The following HEPHL1 variants were observed in gnomAD, a reference collection of about 807,000 sequenced individuals.
HEPHL1 encodes hephaestin like 1, also known as ferroxidase HEPHL1.
A neutral mutation model predicts 122.0 loss-of-function variants in HEPHL1; 123 were observed. That is an observed-to-expected ratio of 1.01 (90% CI 0.87 to 1.17). HEPHL1 has a LOEUF of 1.17. Ranked by LOEUF, HEPHL1 falls within the 50% of genes most tolerant of loss-of-function variation. The probability of loss-of-function intolerance (pLI) is 0.00; values close to 1 mark genes in which losing one functional copy is unlikely to be tolerated. For missense variants in HEPHL1, 1,452 were observed against 1,430.5 expected, an observed-to-expected ratio of 1.01 and a Z score of -0.24; for synonymous variants, 527 against 508.9, an observed-to-expected ratio of 1.04 and a Z score of -0.48.
intron 2 of HEPHL1, among the ~76,000 whole-genome samples, chr11:94,061,636 C>G (rs561830722): frequency 6.6e-6 from 1 of 152,170 alleles, no homozygotes; most frequent in East Asian, 1.9e-4. Context: ...AGATAAGTAT[C>G]AAGTGAGAAA....
At chr11:94,093,768 A>C in intron 13 of HEPHL1, 128 bp downstream of exon 13, 1 of 1,031,016 alleles carries the variant, frequency 9.7e-7, no homozygotes, top group Non-Finnish European at 1.4e-6. Context: ...GCATTCCTCC[A>C]AGTGTAATAT....
At chr11:94,063,037 G>A (rs1012249486) in intron 2 of HEPHL1, among the ~76,000 whole-genome samples, 2 of 152,120 alleles carry the variant, frequency 1.3e-5, no homozygotes, top group Admixed American at 1.3e-4. Context: ...ATCCCCAGAG[G>A]CAGGAAGAAT....
chr11:94,043,325 C>T (rs1945803908), intron 1 of HEPHL1, among the ~76,000 whole-genome samples: 1 of 152,072 alleles, frequency 6.6e-6, no homozygotes, highest in Non-Finnish European at 1.5e-5. Flanking sequence ...GTACCAGTCC[C>T]AAGTACACAA....
intron 10 of HEPHL1, among the ~76,000 whole-genome samples, chr11:94,083,920 A>G (rs1248475525): frequency 6.6e-6 from 1 of 152,262 alleles, no homozygotes; most frequent in Non-Finnish European, 1.5e-5. Flanking sequence ...AAAGAAATTT[A>G]TCATCAAAGA....
intron 9 of HEPHL1, among the ~76,000 whole-genome samples, chr11:94,081,777 G>T (rs377629021): frequency 3.3e-5 from 5 of 152,112 alleles, no homozygotes; most frequent in South Asian, 4.2e-4. Context: ...GTAGGAAAAA[G>T]TTAAAAAAAA....
At chr11:94,073,191 T>C in intron 7 of HEPHL1, 27 bp downstream of exon 7, 1 of 1,612,152 alleles carries the variant, frequency 6.2e-7, no homozygotes, top group Non-Finnish European at 8.5e-7. Flanking sequence ...CCCCATGCAT[T>C]GAACCCAGGG....
chr11:94,101,590 A>G (rs1946367678), intron 14 of HEPHL1, among the ~76,000 whole-genome samples: 2 of 152,118 alleles, frequency 1.3e-5, no homozygotes, highest in African/African-American at 2.4e-5. Flanking sequence ...TAATTGATGA[A>G]CCTACATTGA....
At chr11:94,081,546 A>T (rs553616842) in intron 9 of HEPHL1, among the ~76,000 whole-genome samples, 2 of 152,350 alleles carry the variant, frequency 1.3e-5, no homozygotes, top group African/African-American at 4.8e-5. Flanking sequence ...AGATAGGCTC[A>T]AATAGACTGA....
rs962180581 is a variant in HEPHL1 at position 94,026,790 on chromosome 11, G to T, written c.170+5252G>T. Among the ~76,000 whole-genome samples the T allele has an allele frequency of 5.3e-5, 8 of 152,322 alleles. No homozygotes were observed. In the East Asian group the frequency reaches 7.7e-4, roughly 15 times the overall value. The stretch of plus-strand genomic sequence containing the variant: ...CAAGGCAGTCCAGTTTGCTGGTAAA[G>T]TATGGGGCTCTGGCATCAACTGTCA... On this transcript the variant is annotated intron_variant, in intron 1 of 19. Coordinates refer to ENST00000315765, the MANE Select transcript of HEPHL1 (RefSeq NM_001098672.2).
chr11:94,078,179 G>T (rs1304776392), intron 9 of HEPHL1, among the ~76,000 whole-genome samples: 2 of 152,084 alleles, frequency 1.3e-5, no homozygotes, highest in African/African-American at 2.4e-5. Flanking sequence ...TATCCCCAAG[G>T]TTAAGAAGTT....
chr11:94,096,909 C>T (rs3020009), intron 13 of HEPHL1, among the ~76,000 whole-genome samples: 107,688 of 152,046 alleles, frequency 0.71, 38,382 homozygotes, highest in African/African-American at 0.78. Context: ...TCTTCTCTCT[C>T]TTCTTCTTTG....
chr11:94,096,657 T>G (rs1384202502), intron 13 of HEPHL1, among the ~76,000 whole-genome samples: 1 of 152,228 alleles, frequency 6.6e-6, no homozygotes, highest in Non-Finnish European at 1.5e-5. Flanking sequence ...CTGGACTTTT[T>G]TTGTTTGGTA....
intron 5 of HEPHL1, among the ~76,000 whole-genome samples, chr11:94,069,564 A>G (rs867686970): frequency 6.6e-6 from 1 of 152,164 alleles, no homozygotes; most frequent in African/African-American, 2.4e-5. Context: ...TTAATGCTGC[A>G]CTGTAGCTAA....
Position 94,091,903 on chromosome 11 carries a change from G to T in HEPHL1, c.2295-1598G>T, listed in dbSNP as rs147703642. ...ATGTTTAGAATGACCAGAACATAGAGCCTAGGGGCTAGTGATGGGAAATGA... is the reference window on the plus strand; with the variant it reads ...ATGTTTAGAATGACCAGAACATAGATCCTAGGGGCTAGTGATGGGAAATGA... On this transcript the variant is annotated intron_variant, in intron 12 of 19. Transcript: ENST00000315765. Among the ~76,000 whole-genome samples the T allele has an allele frequency of 1.5e-3, 225 of 152,320 alleles. 1 individual carries two copies. The highest frequency in any genetic ancestry group is 5.2e-3 in the African/African-American group (215 of 41,576).
At chr11:94,036,516 T>C (rs1474610880) in intron 1 of HEPHL1, among the ~76,000 whole-genome samples, 1 of 152,122 alleles carries the variant, frequency 6.6e-6, no homozygotes, top group Non-Finnish European at 1.5e-5. Context: ...TCCAATGCCA[T>C]AGAACAGAGC....
At chr11:94,067,859 A>G in intron 5 of HEPHL1, 109 bp downstream of exon 5, 2 of 841,852 alleles carry the variant, frequency 2.4e-6, no homozygotes, top group South Asian at 1.8e-5. Context: ...TGTATGTACT[A>G]TATTTAATTA....
chr11:94,031,095 C>G (rs1274540569), intron 1 of HEPHL1, among the ~76,000 whole-genome samples: 1 of 152,130 alleles, frequency 6.6e-6, no homozygotes, highest in Non-Finnish European at 1.5e-5. Context: ...GGAGGCCAAA[C>G]AGCATGGGTC....
chr11:94,052,695 A>G (rs951436563), intron 2 of HEPHL1, among the ~76,000 whole-genome samples: 1 of 151,534 alleles, frequency 6.6e-6, no homozygotes, highest in Non-Finnish European at 1.5e-5. Context: ...TAAGTACTGG[A>G]TTTTTTTCAA....
chr11:94,111,602 A>G lies in HEPHL1; in HGVS notation c.3274A>G (p.Asn1092Asp). 6.2e-7 allele frequency: 1 copy of G among 1,606,544 alleles called. No individual in the cohort carries two copies. The highest frequency in any genetic ancestry group is 8.5e-7 in the Non-Finnish European group (1 of 1,176,084). ...VASHPATVPS[N>D]ERPGKEQLYF... ...ATCTCACCCAGCCACGGTGCCATCT[A>G]ACGGTAATGATACCCTCTCCCCATG... Residue 1092 changes from asparagine (N) to aspartate (D), a missense_variant, in exon 19 of 20, where the codon AAC becomes GAC. Coordinates refer to ENST00000315765, the MANE Select transcript of HEPHL1 (RefSeq NM_001098672.2).
Sources: gnomAD v4.1 joint callset for allele counts (sites outside exome capture counted in the v4.1 genomes callset) on GRCh38, gnomAD v4.1.1 for gene constraint, MANE v1.5 for transcripts, NCBI Gene and HGNC (gene_info 2026-07-23, HGNC 2026-07-21) for gene names.